OGFRL1: variants seen among roughly 807,000 people sequenced by gnomAD.
The protein encoded by OGFRL1 is opioid growth factor receptor-like protein 1.
Under a neutral mutation model 32.4 loss-of-function variants are expected in OGFRL1, and 26 were observed. That is an observed-to-expected ratio of 0.80 (90% CI 0.59 to 1.11). The LOEUF (loss-of-function observed/expected upper bound fraction) is 1.11. Among genes scored for constraint, OGFRL1 ranks in the 50% most tolerant of loss-of-function variants. OGFRL1 has a pLI of 0.00. For missense variants in OGFRL1, 521 were observed against 546.4 expected (o/e 0.95, Z 0.46); for synonymous variants, 211 against 201.2 (o/e 1.05, Z -0.41).
chr6:71,292,214 C>T (rs899544921), intron 1 of OGFRL1, among the ~76,000 whole-genome samples: 2 of 152,128 alleles, frequency 1.3e-5, no homozygotes, highest in African/African-American at 4.8e-5. Flanking sequence ...AAACGTGTGG[C>T]AAGGACCAGA....
chr6:71,289,806 G>A, intron 1 of OGFRL1: 1 of 985,370 alleles, frequency 1.0e-6, no homozygotes, highest in Non-Finnish European at 1.2e-6. Context: ...ACAGCTTGGA[G>A]GAGAGGTTAG....
rs1766606979 is a variant in OGFRL1, at chr6:71,307,982, A to C, written c.*5933A>C. 6.6e-6 allele frequency: 1 copy of C among 152,212 alleles called. No homozygotes were observed. The highest frequency in any genetic ancestry group is 1.5e-5 in the Non-Finnish European group (1 of 68,034). 9.4% of individuals were successfully genotyped at this position (152,212 alleles called of 1,614,324 possible). ...TTTATTGTGGGGACATGCTTTAAGA[A>C]TCAGCTCTGTATTTGTGCCAAGGAG... On this transcript the variant is annotated 3_prime_UTR_variant, in exon 7 of 7. Coordinates refer to ENST00000370435, the MANE Select transcript of OGFRL1 (RefSeq NM_024576.5).
rs1374445618 is a variant in OGFRL1 at position 71,306,877 on chromosome 6, G to A, written c.*4828G>A. ...GATGCAGAAATAGAATTATGTTAGA[G>A]AAATTATTAAAAGTTTAATTCCAGT... On this transcript the variant is annotated 3_prime_UTR_variant, in exon 7 of 7. Coordinates refer to ENST00000370435, the MANE Select transcript of OGFRL1 (RefSeq NM_024576.5). The A allele has an allele frequency of 6.6e-6, 1 of 152,182 alleles. No homozygotes were observed. The highest frequency in any genetic ancestry group is 1.5e-5 in the Non-Finnish European group (1 of 68,036). The allele number at this position is 152,182 out of a possible 1,614,324, so 9.4% of individuals were successfully genotyped here.
At position 71,303,220 on chromosome 6, in the gene OGFRL1, A is replaced by G. The variant is rs1316166831; in HGVS notation, c.*1171A>G. On this transcript the variant is annotated 3_prime_UTR_variant, in exon 7 of 7. Transcript: ENST00000370435. ...ATTAGGTATTGTAAGTAATTTAGAG[A>G]TGATTTAAAGTATTTTACATAAGGG... 1 of 152,222 alleles carries G rather than the reference A, an allele frequency of 6.6e-6. No individual in the cohort carries two copies. Among genetic ancestry groups the G allele is most frequent in the African/African-American group, 2.4e-5 (1 of 41,460 alleles). 9.4% of individuals were successfully genotyped at this position (152,222 alleles called of 1,614,324 possible).
chr6:71,294,745 G>A (rs1274391613), intron 3 of OGFRL1, among the ~76,000 whole-genome samples: 1 of 152,080 alleles, frequency 6.6e-6, no homozygotes, highest in Non-Finnish European at 1.5e-5. Flanking sequence ...TTTACTAATG[G>A]AAAAATATTG....
At position 71,304,198 on chromosome 6, in the gene OGFRL1, A is replaced by G. The variant is rs1048321827; in HGVS notation, c.*2149A>G. The G allele has an allele frequency of 1.3e-5, 2 of 152,154 alleles. No individual in the cohort carries two copies. Among genetic ancestry groups the G allele is most frequent in the South Asian group, 2.1e-4 (1 of 4,838 alleles). The allele number at this position is 152,154 out of a possible 1,614,324, so 9.4% of individuals were successfully genotyped here. On this transcript the variant is annotated 3_prime_UTR_variant, in exon 7 of 7. Transcript: ENST00000370435. ...CACTTTTGTTGTACATTGTGTTCCA[A>G]TAAGTATAGTATGGAACACTTTCTC...
intron 1 of OGFRL1, among the ~76,000 whole-genome samples, chr6:71,290,727 T>C (rs1032904335): frequency 3.9e-5 from 6 of 152,224 alleles, no homozygotes; most frequent in African/African-American, 1.4e-4. Flanking sequence ...GGAGCTACTT[T>C]TAAAGCGTAT....
At chr6:71,298,755 A>G (rs943439512) in intron 6 of OGFRL1, among the ~76,000 whole-genome samples, 1 of 152,210 alleles carries the variant, frequency 6.6e-6, no homozygotes, top group African/African-American at 2.4e-5. Context: ...GTTTAGTTGC[A>G]AAAAATCTTT....
chr6:71,294,135 T>C (rs887096267), intron 3 of OGFRL1, among the ~76,000 whole-genome samples: 2 of 152,204 alleles, frequency 1.3e-5, no homozygotes, highest in African/African-American at 4.8e-5. Flanking sequence ...GCAGATACAG[T>C]AGATCTCCAT....
At chr6:71,290,107 T>C (rs1766002389) in intron 1 of OGFRL1, among the ~76,000 whole-genome samples, 1 of 152,206 alleles carries the variant, frequency 6.6e-6, no homozygotes, top group Admixed American at 6.5e-5. Context: ...GAGGAAATCA[T>C]AAAGTCTTAG....
chr6:71,296,640 T>G, intron 5 of OGFRL1, 32 bp from the exon 6 acceptor site: 1 of 1,608,968 alleles, frequency 6.2e-7, no homozygotes, highest in Non-Finnish European at 8.5e-7. Flanking sequence ...TACTGAATCA[T>G]TTCAGGTGAC....
Position 71,301,963 on chromosome 6 carries a change from G to T in OGFRL1, c.1270G>T (p.Glu424Ter). 1.2e-6 allele frequency: 2 copies of T among 1,604,622 alleles called. No individual in the cohort carries two copies. Among genetic ancestry groups the T allele is most frequent in the Non-Finnish European group, 1.7e-6 (2 of 1,177,766 alleles). Residue 424 changes from glutamate to a stop codon, truncating the protein, a stop_gained, in exon 7 of 7, where the codon GAG becomes TAG. Coordinates refer to ENST00000370435, the MANE Select transcript of OGFRL1 (RefSeq NM_024576.5). LOFTEE classifies it low-confidence loss of function (END_TRUNC). ...AGAAAAAAAGGAGAGTGTATCTCCT[G>T]AGAATAACGAAGAAGGTGGAAATGA... ...PTEKKESVSP[E>*]NNEEGGNDNQ...
At chr6:71,289,548 TAAA>T (rs1158690810) in intron 1 of OGFRL1, 38,487 of 533,486 alleles carry the variant, frequency 0.072, 14 homozygotes, top group Middle Eastern at 0.087. Context: ...GTGTTATTGG[TAAA>T]AAAAAAAAAA....
At chr6:71,299,319 C>T (rs553948468) in intron 6 of OGFRL1, among the ~76,000 whole-genome samples, 1 of 152,266 alleles carries the variant, frequency 6.6e-6, no homozygotes, top group African/African-American at 2.4e-5. Context: ...CCACTCTCTT[C>T]TATACCATTT....
At position 71,301,401 on chromosome 6, in the gene OGFRL1, T is replaced by C. The variant is rs1432738554; in HGVS notation, c.708T>C (p.Tyr236=). 1.9e-6 allele frequency: 3 copies of C among 1,585,042 alleles called. No individual in the cohort carries two copies. The highest frequency in any genetic ancestry group is 1.7e-6 in the Non-Finnish European group (2 of 1,168,312). Residue 236 remains tyrosine (Y), a synonymous_variant, in exon 7 of 7, where the codon TAT becomes TAC. Coordinates refer to ENST00000370435, the MANE Select transcript of OGFRL1 (RefSeq NM_024576.5). ...TCTCTTCCAGGTCCCAGCACAACTA[T>C]TTAAGAATCACTCGTATTCTTAAAA... The part of the protein sequence containing the change: ...FQHLNESQHN[Y]LRITRILKSL...
rs910894590 is a variant in OGFRL1, at chr6:71,303,205, G to C, written c.*1156G>C. ...ATTTATATTGTATGTATTAGGTATTGTAAGTAATTTAGAGATGATTTAAAG... is the reference window on the plus strand; with the variant it reads ...ATTTATATTGTATGTATTAGGTATTCTAAGTAATTTAGAGATGATTTAAAG... On this transcript the variant is annotated 3_prime_UTR_variant, in exon 7 of 7. Coordinates refer to ENST00000370435, the MANE Select transcript of OGFRL1 (RefSeq NM_024576.5). The C allele has an allele frequency of 3.3e-5, 5 of 152,184 alleles. No homozygotes were observed. Among genetic ancestry groups the C allele is most frequent in the African/African-American group, 9.7e-5 (4 of 41,444 alleles). The allele number at this position is 152,184 out of a possible 1,614,324, so 9.4% of individuals were successfully genotyped here.
chr6:71,288,997 T>G lies in OGFRL1; in HGVS notation c.61T>G (p.Ser21Ala). 1 of 1,388,096 alleles carries G rather than the reference T, an allele frequency of 7.2e-7. No individual in the cohort carries two copies. The highest frequency in any genetic ancestry group is 1.3e-5 in the South Asian group (1 of 77,346). 86.0% of individuals were successfully genotyped at this position (1,388,096 alleles called of 1,614,324 possible). ...REPTTVEDCD[S>A]TWQTDSEPEP... is the part of the protein sequence containing the mutation. ...GCCCACCACCGTGGAGGACTGCGAC[T>G]CCACCTGGCAGACCGACTCGGAGCC... The change falls in exon 1 of 7, where the codon TCC (serine) becomes GCC (alanine). Residue 21 changes from serine (S) to alanine (A), a missense_variant. Transcript: ENST00000370435.
Position 71,305,933 on chromosome 6 carries a change from C to T in OGFRL1, c.*3884C>T, listed in dbSNP as rs1344073921. 6 of 152,034 alleles carry T rather than the reference C, an allele frequency of 3.9e-5. No individual in the cohort carries two copies. The highest frequency in any genetic ancestry group is 4.1e-4 in the South Asian group (2 of 4,822). The allele number at this position is 152,034 out of a possible 1,614,324, so 9.4% of individuals were successfully genotyped here. On this transcript the variant is annotated 3_prime_UTR_variant, in exon 7 of 7. Transcript: ENST00000370435. ...AGTAGTCATCCATACTGAGTAATCA[C>T]GCATTTTTTAAACTATAATTGAGGC...
rs888058016 is a variant in OGFRL1 at position 71,305,598 on chromosome 6, A to AT, written c.*3556dup. On this transcript the variant is annotated 3_prime_UTR_variant, in exon 7 of 7. Transcript: ENST00000370435. ...AGGAGTTACTAGAGAAGTTCTAAGT[A>AT]TTTTTTTGCTAAGTAGTAAAAATAT... The AT allele has an allele frequency of 6.6e-6, 1 of 152,118 alleles. No homozygotes were observed. The highest frequency in any genetic ancestry group is 2.1e-4 in the South Asian group (1 of 4,824). The allele number at this position is 152,118 out of a possible 1,614,324, so 9.4% of individuals were successfully genotyped here. A position where few individuals can be genotyped will look rare whatever the true frequency, so the allele number is the denominator to read the frequency against.
Sources: gnomAD v4.1 joint callset for allele counts (sites outside exome capture counted in the v4.1 genomes callset) on GRCh38, gnomAD v4.1.1 for gene constraint, MANE v1.5 for transcripts, NCBI Gene and HGNC (gene_info 2026-07-23, HGNC 2026-07-21) for gene names.